ADCY1: variants seen among roughly 807,000 people sequenced by gnomAD.
ADCY1 encodes the protein adenylate cyclase type 1.
In ADCY1, 28 loss-of-function variants were observed where a neutral mutation model predicts 105.4. That is an observed-to-expected ratio of 0.27 (90% CI 0.20 to 0.36). The LOEUF is 0.36. ADCY1 is among the 10% of genes least tolerant of loss of function. The pLI, the probability that ADCY1 is intolerant of heterozygous loss-of-function variation, is 1.00. For synonymous variants in ADCY1, 655 were observed against 623.8 expected (o/e 1.05, Z -0.75); for missense variants, 977 against 1,434.2 (o/e 0.68, Z 5.15).
At chr7:45,612,945 A>T (rs996400262) in intron 3 of ADCY1, among the ~76,000 whole-genome samples, 1 of 152,208 alleles carries the variant, frequency 6.6e-6, no homozygotes, top group Non-Finnish European at 1.5e-5. Flanking sequence ...GTAAAGCACC[A>T]GAATCTGTGG....
chr7:45,588,021 A>G (rs771061569), intron 1 of ADCY1, among the ~76,000 whole-genome samples: 8 of 152,208 alleles, frequency 5.3e-5, no homozygotes, highest in Non-Finnish European at 1.2e-4. Flanking sequence ...CGGAGTAGCT[A>G]TAAATGATTT....
chr7:45,575,014 G>C lies in ADCY1; in HGVS notation c.471G>C (p.Ala157=). The change falls in exon 1 of 20, where the codon GCG becomes GCC. Residue 157 remains alanine (A), a synonymous_variant. Transcript: ENST00000297323. This position sits in a 1 kb window ranked among gnomAD's most constrained non-coding sequence, Gnocchi z 4.7. ...CCGCCGGGGCCGCTGGGGGGCCAGC[G>C]ACCGCCGAACAAGGGGTTTGGCAGC... ...RGSAGAAGGP[A]TAEQGVWQLL... The C allele has an allele frequency of 6.2e-7, 1 of 1,611,812 alleles. No homozygotes were observed. Among genetic ancestry groups the C allele is most frequent in the Non-Finnish European group, 8.5e-7 (1 of 1,179,428 alleles).
intron 2 of ADCY1, among the ~76,000 whole-genome samples, chr7:45,595,117 AAT>A: frequency 6.6e-6 from 1 of 152,300 alleles, no homozygotes; most frequent in East Asian, 1.9e-4. Context: ...TAGCAGTGTA[AAT>A]ATGTCATTTC....
rs1482865597 is a variant in ADCY1 at position 45,718,732 on chromosome 7, C to A, written c.*4737C>A. The A allele has an allele frequency of 6.6e-6, 1 of 152,220 alleles. No individual in the cohort carries two copies. The highest frequency in any genetic ancestry group is 2.4e-5 in the African/African-American group (1 of 41,408). 9.4% of individuals were successfully genotyped at this position (152,220 alleles called of 1,614,324 possible). A position where few individuals can be genotyped will look rare whatever the true frequency, so the allele number is the denominator to read the frequency against. The stretch of plus-strand genomic sequence containing the variant: ...AGCTGGGTGGGCTGAGACCAGCATC[C>A]CAGCTGGACTGAGCCTGGGGGGAGG... On this transcript the variant is annotated 3_prime_UTR_variant, in exon 20 of 20. Coordinates refer to ENST00000297323, the MANE Select transcript of ADCY1 (RefSeq NM_021116.4).
chr7:45,612,184 C>T (rs1793611874), intron 3 of ADCY1, among the ~76,000 whole-genome samples: 1 of 152,120 alleles, frequency 6.6e-6, no homozygotes, highest in Non-Finnish European at 1.5e-5. Context: ...GGGTGAAGGC[C>T]CAAGTGGGTG....
chr7:45,628,664 A>T (rs1292324534), intron 4 of ADCY1, among the ~76,000 whole-genome samples: 1 of 152,178 alleles, frequency 6.6e-6, no homozygotes, highest in Non-Finnish European at 1.5e-5. Flanking sequence ...CTTTTTGAAT[A>T]CAAAGGGAAT....
Position 45,622,103 on chromosome 7 carries a change from C to T in ADCY1, c.909-529C>T, listed in dbSNP as rs182811604. Among the ~76,000 whole-genome samples, 9 of 152,304 alleles carry T rather than the reference C, an allele frequency of 5.9e-5. No individual in the cohort carries two copies. In the East Asian group the frequency reaches 1.5e-3, roughly 26 times the overall value. On this transcript the variant is annotated intron_variant, in intron 3 of 19. Transcript: ENST00000297323. ...GACAGTGTGTTTCCTGCTCTCATTG[C>T]AGACTGAGGGGGCGGCCCCTTTGCC...
In ADCY1 at chr7:45,708,828, A is replaced by C. The variant is rs746642555; in HGVS notation, c.2932+364A>C. On this transcript the variant is annotated intron_variant, in intron 18 of 19. Coordinates refer to ENST00000297323, the MANE Select transcript of ADCY1 (RefSeq NM_021116.4). The surrounding 1 kb of genome is among the most constrained non-coding windows in gnomAD (Gnocchi z 4.7). ...GAGGCCACATGGGCTGTCCAGAAGG[A>C]GGCCTTGACGGGAGCCCCACTGTGC... Among the ~76,000 whole-genome samples, 1 of 152,196 alleles carries C rather than the reference A, an allele frequency of 6.6e-6. No homozygotes were observed. Among genetic ancestry groups the C allele is most frequent in the Non-Finnish European group, 1.5e-5 (1 of 68,024 alleles).
intron 8 of ADCY1, among the ~76,000 whole-genome samples, chr7:45,671,500 TG>T (rs1390984856): frequency 1.3e-5 from 2 of 152,198 alleles, no homozygotes; most frequent in African/African-American, 4.8e-5. Flanking sequence ...ACTGCCGAAC[TG>T]TTTTCCAGAG....
chr7:45,712,771 G>T (rs578074160), intron 19 of ADCY1, among the ~76,000 whole-genome samples: 1 of 152,138 alleles, frequency 6.6e-6, no homozygotes. Context: ...CCAACATAAC[G>T]CAGAGATACC....
intron 4 of ADCY1, among the ~76,000 whole-genome samples, chr7:45,646,460 AC>A (rs1794666635): frequency 6.6e-6 from 1 of 152,180 alleles, no homozygotes; most frequent in African/African-American, 2.4e-5. Flanking sequence ...TTCTGTGAGC[AC>A]TGACTGTGGT....
chr7:45,633,633 C>G (rs921691055), intron 4 of ADCY1, among the ~76,000 whole-genome samples: 2 of 152,006 alleles, frequency 1.3e-5, no homozygotes, highest in African/African-American at 4.8e-5. Flanking sequence ...GAAACCCCGT[C>G]TCTACTAAAA....
intron 1 of ADCY1, among the ~76,000 whole-genome samples, chr7:45,590,345 G>GTTTTTGTT (rs954287245): frequency 7.9e-5 from 12 of 152,156 alleles, no homozygotes; most frequent in African/African-American, 2.7e-4. Flanking sequence ...CCTAATTGTC[G>GTTTTTGTT]TTTTTGTTTT....
chr7:45,605,999 G>C (rs1349583823), intron 2 of ADCY1, among the ~76,000 whole-genome samples: 1 of 152,228 alleles, frequency 6.6e-6, no homozygotes, highest in African/African-American at 2.4e-5. Context: ...GGGGGTTGCT[G>C]TCTCTTTACT....
Position 45,686,514 on chromosome 7 carries a change from C to A in ADCY1, c.2328-33C>A. On this transcript the variant is annotated intron_variant, in intron 13 of 19. Transcript: ENST00000297323. This position sits in a 1 kb window ranked among gnomAD's most constrained non-coding sequence, Gnocchi z 4.3. Reference sequence around the variant, plus strand: ...AGAGTCTTGCCCTGGAAGCTCGGCACTGACTTGGCTTTTCTTCCTCATCTT... The same window carrying A: ...AGAGTCTTGCCCTGGAAGCTCGGCAATGACTTGGCTTTTCTTCCTCATCTT... 5 of 1,591,900 alleles carry A rather than the reference C, an allele frequency of 3.1e-6. No homozygotes were observed. Among genetic ancestry groups the A allele is most frequent in the Non-Finnish European group, 4.3e-6 (5 of 1,167,100 alleles).
chr7:45,588,996 G>C (rs1422865885), intron 1 of ADCY1, among the ~76,000 whole-genome samples: 1 of 152,116 alleles, frequency 6.6e-6, no homozygotes, highest in East Asian at 1.9e-4. Flanking sequence ...AGTGTCCTTT[G>C]TTGGGTTTCT....
At position 45,676,837 on chromosome 7, in the gene ADCY1, ATTT is replaced by A. The variant is rs58708149; in HGVS notation, c.1606-1016_1606-1014del. ...GGCCTGGGTGGAGCTGGGGCCACAG[ATTT>A]TTTTTTTTTTTTTTTATGGTCTTTG... On this transcript the variant is annotated intron_variant, in intron 8 of 19. Transcript: ENST00000297323. Among the ~76,000 whole-genome samples, 191 of 131,164 alleles carry A rather than the reference ATTT, an allele frequency of 1.5e-3. 5 individuals are homozygous for A. In the East Asian group the frequency reaches 0.026, roughly 18 times the overall value. 86.0% of individuals were successfully genotyped at this position (131,164 alleles called of 152,430 possible). A position where few individuals can be genotyped will look rare whatever the true frequency, so the allele number is the denominator to read the frequency against.
intron 4 of ADCY1, among the ~76,000 whole-genome samples, chr7:45,634,425 GTTT>G (rs35387539): frequency 2.2e-5 from 3 of 136,652 alleles, no homozygotes; most frequent in Non-Finnish European, 3.2e-5. Flanking sequence ...AGTTTGCTGA[GTTT>G]TTTTTTTTTT....
intron 4 of ADCY1, among the ~76,000 whole-genome samples, chr7:45,632,275 C>CT (rs1207407364): frequency 6.6e-6 from 1 of 152,034 alleles, no homozygotes; most frequent in Non-Finnish European, 1.5e-5. Context: ...GTTTATTGTT[C>CT]TTTTTCAAAG....
Sources: gnomAD v4.1 joint callset for allele counts (sites outside exome capture counted in the v4.1 genomes callset) on GRCh38, gnomAD v4.1.1 for gene constraint, Gnocchi (gnomAD v3.1) non-coding constraint, MANE v1.5 for transcripts, NCBI Gene and HGNC (gene_info 2026-07-23, HGNC 2026-07-21) for gene names.